The following RNLS variants were observed in gnomAD, a reference collection of about 807,000 sequenced individuals.
RNLS encodes renalase, FAD dependent amine oxidase, also known as renalase.
RNLS carries 39 observed loss-of-function variants against 39.8 expected under a neutral mutation model. The observed-to-expected ratio is 0.98, with a 90% CI of 0.76 to 1.28. The LOEUF is 1.28. Among genes scored for constraint, RNLS ranks in the 50% most tolerant of loss-of-function variants. The probability of loss-of-function intolerance (pLI) is 0.00; values close to 1 mark genes in which losing one functional copy is unlikely to be tolerated. For missense variants in RNLS, 410 were observed against 413.3 expected (o/e 0.99, Z 0.07); for synonymous variants, 147 against 150.7 (o/e 0.98, Z 0.18).
chr10:88,431,540 TC>T (rs1264826915), intron 4 of RNLS, among the ~76,000 whole-genome samples: 1 of 151,722 alleles, frequency 6.6e-6, no homozygotes, highest in African/African-American at 2.4e-5. Context: ...CTCTTTAATT[TC>T]TATCTTCCTG....
intron 4 of RNLS, among the ~76,000 whole-genome samples, chr10:88,474,459 A>G (rs1172536175): frequency 2.6e-5 from 4 of 152,192 alleles, no homozygotes; most frequent in Non-Finnish European, 5.9e-5. Flanking sequence ...TCCCACCTCC[A>G]GTATTCCCAC....
intron 4 of RNLS, among the ~76,000 whole-genome samples, chr10:88,477,999 A>G (rs1843919231): frequency 6.6e-6 from 1 of 152,216 alleles, no homozygotes; most frequent in Non-Finnish European, 1.5e-5. Flanking sequence ...TTTCAGATAG[A>G]TTAACATTTA....
At chr10:88,431,151 T>G (rs1034837493) in intron 4 of RNLS, among the ~76,000 whole-genome samples, 2 of 151,748 alleles carry the variant, frequency 1.3e-5, no homozygotes, top group African/African-American at 4.8e-5. Context: ...ATTTCTTTAG[T>G]AGGTCTAGGG....
chr10:88,225,953 G>T, the RNLS span, among the ~76,000 whole-genome samples: 65 of 151,588 alleles, frequency 4.3e-4, no homozygotes, highest in African/African-American at 1.4e-3. Context: ...GGAAAACTTT[G>T]CTGTGAAATG....
At chr10:88,479,467 C>T (rs1199818177) in intron 4 of RNLS, among the ~76,000 whole-genome samples, 1 of 152,134 alleles carries the variant, frequency 6.6e-6, no homozygotes, top group Non-Finnish European at 1.5e-5. Flanking sequence ...GTATTCACCA[C>T]ATAATATGAT....
chr10:88,210,987 G>A, the RNLS span, among the ~76,000 whole-genome samples: 2 of 152,020 alleles, frequency 1.3e-5, 1 homozygote, highest in South Asian at 4.1e-4. Context: ...CCAAATAGTA[G>A]TATATTTTCT....
chr10:88,407,764 T>C (rs923517419), intron 4 of RNLS, among the ~76,000 whole-genome samples: 12 of 152,074 alleles, frequency 7.9e-5, no homozygotes, highest in South Asian at 4.2e-4. Flanking sequence ...GCTTTGAAAG[T>C]TATTATTAGG....
the RNLS span, among the ~76,000 whole-genome samples, chr10:88,243,418 T>C: frequency 6.6e-6 from 1 of 152,232 alleles, no homozygotes; most frequent in Admixed American, 6.5e-5. Context: ...TTTGGGAGTC[T>C]TGAGTTCCAT....
At chr10:88,349,755 G>A (rs752709) in intron 5 of RNLS, among the ~76,000 whole-genome samples, 125,736 of 151,410 alleles carry the variant, frequency 0.83, 52,322 homozygotes, top group African/African-American at 0.88. Context: ...TATATACATT[G>A]TGTATATATA....
chr10:88,492,582 C>T (rs1438586081), intron 4 of RNLS, among the ~76,000 whole-genome samples: 1 of 151,812 alleles, frequency 6.6e-6, no homozygotes, highest in Non-Finnish European at 1.5e-5. Flanking sequence ...CCATGCCTGG[C>T]TAATTTTTGT....
chr10:88,203,372 ATATATATATATATACACGTATGTG>A, the RNLS span, among the ~76,000 whole-genome samples: 1 of 1,652 alleles, frequency 6.1e-4, no homozygotes, highest in African/African-American at 3.0e-3. Context: ...GTGTGTGTAT[ATATATATATATATACACGTATGTG>A]TATATATATA....
At chr10:88,582,147 C>T in intron 2 of RNLS, 55 bp downstream of exon 2, 1 of 1,359,228 alleles carries the variant, frequency 7.4e-7, no homozygotes. Context: ...TTCACAACAA[C>T]CCTATGACAT....
chr10:88,493,626 T>C (rs552804851), intron 4 of RNLS, among the ~76,000 whole-genome samples: 62 of 152,294 alleles, frequency 4.1e-4, no homozygotes, highest in Middle Eastern at 3.4e-3. Flanking sequence ...GATTGCTGTA[T>C]TACATTGTTG....
chr10:88,412,587 C>T (rs1589749789), intron 4 of RNLS, among the ~76,000 whole-genome samples: 1 of 151,872 alleles, frequency 6.6e-6, no homozygotes, highest in East Asian at 1.9e-4. Context: ...AAAAAAAATA[C>T]CTGAGCAAAG....
chr10:88,488,241 T>C (rs953598977), intron 4 of RNLS, among the ~76,000 whole-genome samples: 5 of 152,044 alleles, frequency 3.3e-5, no homozygotes, highest in Non-Finnish European at 7.4e-5. Flanking sequence ...TACACCTCAA[T>C]GAATCTGTTA....
At chr10:88,367,873 T>C (rs112551284) in intron 4 of RNLS, among the ~76,000 whole-genome samples, 17 of 152,284 alleles carry the variant, frequency 1.1e-4, no homozygotes, top group African/African-American at 3.8e-4. Flanking sequence ...TATTGTGATA[T>C]AGGAGTTCTT....
intron 6 of RNLS, among the ~76,000 whole-genome samples, chr10:88,306,828 A>G (rs1844956706): frequency 6.6e-6 from 1 of 152,194 alleles, no homozygotes. Flanking sequence ...TCATTCTATG[A>G]GGTCAACATC....
chr10:88,243,458 A>G, the RNLS span, among the ~76,000 whole-genome samples: 1 of 152,202 alleles, frequency 6.6e-6, no homozygotes, highest in Non-Finnish European at 1.5e-5. Flanking sequence ...GTGACCTTGG[A>G]CAATCAATGG....
chr10:88,473,892 A>G (rs1342457), intron 4 of RNLS, among the ~76,000 whole-genome samples: 127,374 of 152,022 alleles, frequency 0.84, 53,733 homozygotes, highest in East Asian at 1. Context: ...TTTTCCTTTC[A>G]TAAATGAGTC....
Sources: allele counts gnomAD v4.1 joint callset (sites outside exome capture counted in the v4.1 genomes callset), GRCh38; gene constraint gnomAD v4.1.1; transcripts MANE v1.5; gene names NCBI Gene and HGNC (gene_info 2026-07-23, HGNC 2026-07-21).